PLCL2: variants seen among roughly 807,000 people sequenced by gnomAD.
The protein encoded by PLCL2 is phospholipase C like 2, also known as inactive phospholipase C-like protein 2.
Under a neutral mutation model 79.6 loss-of-function variants are expected in PLCL2, and 4 were observed. The observed-to-expected ratio is 0.05, with a 90% confidence interval of 0.02 to 0.11. PLCL2 has a LOEUF of 0.11. Ranked by LOEUF, PLCL2 falls within the 10% of genes least tolerant of loss-of-function variation. The pLI, the probability that PLCL2 is intolerant of heterozygous loss-of-function variation, is 1.00. For synonymous variants in PLCL2, 484 were observed against 457.7 expected (o/e 1.06, Z -0.73); for missense variants, 895 against 1,291.0 (o/e 0.69, Z 4.70).
chr3:17,010,546 C>G lies in PLCL2; in HGVS notation c.1200C>G (p.Leu400=), dbSNP rs201629623. ...AAGAGGGTCAGGAAAAGGGCTGGCT[C>G]TCCATAGACGGGTTCACTAATTACC... The part of the protein sequence containing the change: ...PSKEGQEKGW[L]SIDGFTNYLM... The change falls in exon 2 of 6, where the codon CTC becomes CTG. Residue 400 remains leucine, a synonymous_variant. Coordinates refer to ENST00000615277, the MANE Select transcript of PLCL2 (RefSeq NM_001144382.2). This position sits in a 1 kb window ranked among gnomAD's most constrained non-coding sequence, Gnocchi z 5.8. The G allele has an allele frequency of 2.4e-5, 39 of 1,614,100 alleles. No individual in the cohort carries two copies. In the Admixed American group the frequency reaches 5.2e-4, roughly 21 times the overall value.
At chr3:17,053,177 C>T (rs1318874922) in intron 4 of PLCL2, among the ~76,000 whole-genome samples, 2 of 152,200 alleles carry the variant, frequency 1.3e-5, no homozygotes, top group African/African-American at 4.8e-5. Flanking sequence ...TTAATTGGCT[C>T]ATGGTTCCAC....
intron 4 of PLCL2, among the ~76,000 whole-genome samples, chr3:17,054,781 T>C (rs1407446443): frequency 6.6e-6 from 1 of 152,188 alleles, no homozygotes; most frequent in African/African-American, 2.4e-5. Context: ...ATCCAAATCG[T>C]ATCAGTTCTC....
intron 5 of PLCL2, among the ~76,000 whole-genome samples, chr3:17,079,915 AC>A (rs751619194): frequency 2.0e-5 from 3 of 152,154 alleles, no homozygotes; most frequent in Non-Finnish European, 4.4e-5. Context: ...TCATCAAGAC[AC>A]TGCCTCGAAC....
intron 3 of PLCL2, among the ~76,000 whole-genome samples, chr3:17,019,329 T>C (rs2064421140): frequency 6.6e-6 from 1 of 152,222 alleles, no homozygotes; most frequent in African/African-American, 2.4e-5. Flanking sequence ...TTAGGCATTA[T>C]GGACTCTGGG....
Position 16,914,835 on chromosome 3 carries a change from C to G in PLCL2, c.327+29469C>G, listed in dbSNP as rs1223296704. ...GCCTCAGCCTCCTAGACTCAAGTGA[C>G]CCTCCCTCCTCAGCCTCCTGAGTTG... On this transcript the variant is annotated intron_variant, in intron 1 of 5. Coordinates refer to ENST00000615277, the MANE Select transcript of PLCL2 (RefSeq NM_001144382.2). Among the ~76,000 whole-genome samples, 5 of 152,026 alleles carry G rather than the reference C, an allele frequency of 3.3e-5. No homozygotes were observed. In the East Asian group the frequency reaches 9.7e-4, roughly 29 times the overall value.
intron 1 of PLCL2, among the ~76,000 whole-genome samples, chr3:16,902,076 G>T (rs1271768198): frequency 6.6e-6 from 1 of 152,116 alleles, no homozygotes; most frequent in African/African-American, 2.4e-5. Flanking sequence ...TGTCTGCTCT[G>T]CATCCCCTCT....
chr3:16,944,216 T>C (rs2063580577), intron 1 of PLCL2, among the ~76,000 whole-genome samples: 1 of 152,226 alleles, frequency 6.6e-6, no homozygotes, highest in African/African-American at 2.4e-5. Context: ...GCACATAAAG[T>C]GCTTAGCATG....
chr3:17,073,927 A>C (rs1026532840), intron 5 of PLCL2, among the ~76,000 whole-genome samples: 17 of 152,166 alleles, frequency 1.1e-4, no homozygotes, highest in African/African-American at 2.9e-4. Context: ...GAACCCATCC[A>C]AGTCAACCAT....
At chr3:17,022,842 T>C (rs566903905) in intron 3 of PLCL2, among the ~76,000 whole-genome samples, 67 of 152,312 alleles carry the variant, frequency 4.4e-4, no homozygotes, top group African/African-American at 1.6e-3. Context: ...CTTACCTCTC[T>C]TATGAGGGAG....
At chr3:16,988,830 T>C (rs2064076489) in intron 1 of PLCL2, among the ~76,000 whole-genome samples, 1 of 152,176 alleles carries the variant, frequency 6.6e-6, no homozygotes, top group Admixed American at 6.5e-5. Flanking sequence ...TATTCATCAT[T>C]TTCATAAATT....
chr3:17,024,473 T>C (rs1031367697), intron 3 of PLCL2, among the ~76,000 whole-genome samples: 6 of 152,214 alleles, frequency 3.9e-5, no homozygotes, highest in African/African-American at 1.2e-4. Context: ...AAAAAGTTTT[T>C]ATAGCATCTA....
intron 5 of PLCL2, among the ~76,000 whole-genome samples, chr3:17,074,083 C>A (rs895847740): frequency 2.0e-5 from 3 of 152,188 alleles, no homozygotes; most frequent in African/African-American, 7.2e-5. Context: ...ATTTACTTTA[C>A]CCCGATTCAT....
chr3:16,923,557 C>T (rs1274519050), intron 1 of PLCL2, among the ~76,000 whole-genome samples: 1 of 152,182 alleles, frequency 6.6e-6, no homozygotes, highest in African/African-American at 2.4e-5. Context: ...CTTCTTGTGT[C>T]AGAAACACCT....
intron 1 of PLCL2, among the ~76,000 whole-genome samples, chr3:16,997,298 A>G (rs1471497085): frequency 1.3e-5 from 2 of 152,160 alleles, no homozygotes; most frequent in Admixed American, 1.3e-4. Flanking sequence ...CAATTAGATA[A>G]CTGAATAAGA....
chr3:17,062,398 G>T (rs577899404), intron 4 of PLCL2, among the ~76,000 whole-genome samples: 8 of 152,248 alleles, frequency 5.3e-5, no homozygotes, highest in South Asian at 2.1e-4. Flanking sequence ...CTTAGTTTTG[G>T]TTTTCAAATG....
At chr3:17,022,236 A>G (rs2064463086) in intron 3 of PLCL2, among the ~76,000 whole-genome samples, 1 of 152,230 alleles carries the variant, frequency 6.6e-6, no homozygotes, top group Non-Finnish European at 1.5e-5. Flanking sequence ...TGCTTTACGC[A>G]AAAGAATACT....
chr3:16,985,451 A>G (rs762061349), intron 1 of PLCL2, among the ~76,000 whole-genome samples: 2 of 152,166 alleles, frequency 1.3e-5, no homozygotes, highest in African/African-American at 2.4e-5. Context: ...TCAATGTGAT[A>G]TTCGATATTG....
intron 5 of PLCL2, among the ~76,000 whole-genome samples, chr3:17,085,214 A>C (rs1399381538): frequency 6.6e-6 from 1 of 151,996 alleles, no homozygotes; most frequent in Non-Finnish European, 1.5e-5. Context: ...GGCTCACTGC[A>C]GCCTTGACTT....
chr3:16,893,695 T>G (rs969043507), intron 1 of PLCL2, among the ~76,000 whole-genome samples: 4 of 152,244 alleles, frequency 2.6e-5, no homozygotes, highest in African/African-American at 7.2e-5. Context: ...TATGTAATAC[T>G]GCAGTATGTG....
Sources: gnomAD v4.1 joint callset for allele counts (sites outside exome capture counted in the v4.1 genomes callset) on GRCh38, gnomAD v4.1.1 for gene constraint, Gnocchi (gnomAD v3.1) non-coding constraint, MANE v1.5 for transcripts, NCBI Gene and HGNC (gene_info 2026-07-23, HGNC 2026-07-21) for gene names.